The following SAMTOR variants were observed in gnomAD, a reference collection of about 807,000 sequenced individuals.
The protein encoded by SAMTOR is S-adenosylmethionine sensor upstream of mTORC1.
chr7:112,872,517 G>A, the SAMTOR span, among the ~76,000 whole-genome samples: 1 of 152,010 alleles, frequency 6.6e-6, no homozygotes, highest in Non-Finnish European at 1.5e-5. Context: ...ACATCATGCT[G>A]AACTGGCAAA....
the SAMTOR span, among the ~76,000 whole-genome samples, chr7:112,908,374 G>A: frequency 3.3e-5 from 5 of 152,170 alleles, no homozygotes; most frequent in Non-Finnish European, 7.3e-5. Context: ...CTCGAAGTGG[G>A]TCTAGAGGCT....
the SAMTOR span, among the ~76,000 whole-genome samples, chr7:112,915,022 C>T: frequency 2.6e-5 from 4 of 152,014 alleles, no homozygotes; most frequent in South Asian, 2.1e-4. Flanking sequence ...GGGCAGGTCA[C>T]GAGGTCAGGA....
chr7:112,919,256 G>A, the SAMTOR span, among the ~76,000 whole-genome samples: 48 of 152,214 alleles, frequency 3.2e-4, no homozygotes, highest in African/African-American at 1.1e-3. Context: ...GTCTCTCAGA[G>A]CACAGTGCAA....
the SAMTOR span, chr7:112,832,432 T>G: frequency 4.7e-6 from 3 of 637,526 alleles, no homozygotes; most frequent in Non-Finnish European, 8.4e-6. Flanking sequence ...AAAATGTATT[T>G]AGTTTTGAAA....
At chr7:112,939,283 T>G in the SAMTOR span, 2 of 416,840 alleles carry the variant, frequency 4.8e-6, no homozygotes, top group South Asian at 3.1e-5. Context: ...TGAGCGTGTA[T>G]GTGTTTGTGT....
chr7:112,877,859 C>T, the SAMTOR span, among the ~76,000 whole-genome samples: 12 of 152,168 alleles, frequency 7.9e-5, no homozygotes, highest in African/African-American at 1.9e-4. Flanking sequence ...CCATGTGACA[C>T]GCAAGTTCCT....
At chr7:112,844,649 AT>A in the SAMTOR span, among the ~76,000 whole-genome samples, 2 of 152,226 alleles carry the variant, frequency 1.3e-5, no homozygotes, top group Non-Finnish European at 2.9e-5. Flanking sequence ...AAGAATCAAT[AT>A]TGTTAAAATG....
At chr7:112,870,084 A>G in the SAMTOR span, among the ~76,000 whole-genome samples, 1 of 152,198 alleles carries the variant, frequency 6.6e-6, no homozygotes, top group Non-Finnish European at 1.5e-5. Context: ...ACTTACTGGC[A>G]TTCCTGAGAG....
the SAMTOR span, among the ~76,000 whole-genome samples, chr7:112,926,309 T>C: frequency 1.3e-5 from 2 of 152,190 alleles, no homozygotes; most frequent in African/African-American, 4.8e-5. Context: ...ACTTTGAAAC[T>C]CAATTTACTC....
the SAMTOR span, among the ~76,000 whole-genome samples, chr7:112,879,435 C>T: frequency 6.6e-6 from 1 of 151,774 alleles, no homozygotes; most frequent in African/African-American, 2.4e-5. Flanking sequence ...GTTTTTATAG[C>T]ACAAGAATTA....
At chr7:112,849,255 C>T in the SAMTOR span, among the ~76,000 whole-genome samples, 3 of 152,142 alleles carry the variant, frequency 2.0e-5, no homozygotes, top group Non-Finnish European at 2.9e-5. Context: ...AGTTTTCAAA[C>T]CAACTTATGC....
the SAMTOR span, among the ~76,000 whole-genome samples, chr7:112,859,426 A>C: frequency 2.4e-4 from 36 of 152,228 alleles, no homozygotes; most frequent in Admixed American, 2.4e-3. Flanking sequence ...AGTAAAGCAC[A>C]CAGAATTATG....
the SAMTOR span, among the ~76,000 whole-genome samples, chr7:112,884,697 G>T: frequency 3.5e-4 from 54 of 152,298 alleles, no homozygotes; most frequent in Middle Eastern, 3.4e-3. Flanking sequence ...CCCTCTCCTG[G>T]CTGCTTTCAC....
At chr7:112,885,550 A>C in the SAMTOR span, among the ~76,000 whole-genome samples, 1 of 151,960 alleles carries the variant, frequency 6.6e-6, no homozygotes, top group Non-Finnish European at 1.5e-5. Context: ...AGGATGAGTG[A>C]CCCTTACTCC....
At chr7:112,826,475 C>T in the SAMTOR span, among the ~76,000 whole-genome samples, 1 of 152,034 alleles carries the variant, frequency 6.6e-6, no homozygotes, top group Non-Finnish European at 1.5e-5. Context: ...TTTTCTTATA[C>T]TTTTAATGTT....
the SAMTOR span, among the ~76,000 whole-genome samples, chr7:112,846,481 G>A: frequency 6.6e-6 from 1 of 152,074 alleles, no homozygotes; most frequent in Non-Finnish European, 1.5e-5. Context: ...AAACCTGCAC[G>A]TGTTCTCCTG....
At chr7:112,888,020 CT>C in the SAMTOR span, among the ~76,000 whole-genome samples, 1 of 152,028 alleles carries the variant, frequency 6.6e-6, no homozygotes, top group Admixed American at 6.6e-5. Context: ...AAGATAGATG[CT>C]TATATTATTG....
chr7:112,901,017 G>T, the SAMTOR span, among the ~76,000 whole-genome samples: 24 of 152,298 alleles, frequency 1.6e-4, no homozygotes, highest in Non-Finnish European at 2.9e-4. Context: ...GGCATGATCT[G>T]TAAAAGAAAA....
At chr7:112,915,968 G>A in the SAMTOR span, among the ~76,000 whole-genome samples, 1 of 152,118 alleles carries the variant, frequency 6.6e-6, no homozygotes, top group East Asian at 1.9e-4. Flanking sequence ...TTATTAAAAA[G>A]GGGTTGGTAG....
Sources: gnomAD v4.1 joint callset for allele counts (sites outside exome capture counted in the v4.1 genomes callset) on GRCh38, gnomAD v4.1.1 for gene constraint, MANE v1.5 for transcripts, NCBI Gene and HGNC (gene_info 2026-07-23, HGNC 2026-07-21) for gene names.